The following PTPRD variants were observed in gnomAD, a reference collection of about 807,000 sequenced individuals.
PTPRD encodes the protein protein tyrosine phosphatase receptor type D.
In PTPRD, 34 loss-of-function variants were observed where a neutral mutation model predicts 214.5. That is an observed-to-expected ratio of 0.16 (90% CI 0.12 to 0.21). The LOEUF (loss-of-function observed/expected upper bound fraction) is 0.21. Ranked by LOEUF, PTPRD falls within the 10% of genes least tolerant of loss-of-function variation. PTPRD has a pLI of 1.00. For missense variants in PTPRD, 2,545 were observed against 2,398.7 expected, an observed-to-expected ratio of 1.06 and a Z score of -1.27; for synonymous variants, 1,128 against 845.7, an observed-to-expected ratio of 1.33 and a Z score of -5.79.
At chr9:8,471,245 C>A (rs1472443633) in intron 30 of PTPRD, among the ~76,000 whole-genome samples, 160 bp from the exon 31 acceptor site, 1 of 151,992 alleles carries the variant, frequency 6.6e-6, no homozygotes, top group Non-Finnish European at 1.5e-5. Context: ...CCTGTTTGTT[C>A]AATTTTAAAA....
intron 11 of PTPRD, chr9:8,857,618 G>C (rs559894259): frequency 1.0e-4 from 16 of 153,726 alleles, no homozygotes; most frequent in Non-Finnish European, 2.3e-4. Context: ...GGGCGGACGG[G>C]GTCAGTTCCA....
intron 11 of PTPRD, among the ~76,000 whole-genome samples, chr9:8,772,361 T>A (rs1431494455): frequency 6.8e-6 from 1 of 146,724 alleles, no homozygotes; most frequent in Non-Finnish European, 1.5e-5. Context: ...TGTCACTACT[T>A]ACTTTTTAAA....
intron 14 of PTPRD, among the ~76,000 whole-genome samples, chr9:8,615,427 C>T (rs183846631): frequency 1.3e-5 from 2 of 152,108 alleles, no homozygotes. Context: ...GAAGAAAGAG[C>T]AGTCTAAATT....
chr9:10,334,267 C>A (rs528875484), intron 3 of PTPRD, among the ~76,000 whole-genome samples: 96 of 151,786 alleles, frequency 6.3e-4, no homozygotes, highest in African/African-American at 2.2e-3. Context: ...GGTGACTTTT[C>A]TTTATCACAT....
At position 8,320,156 on chromosome 9, in the gene PTPRD, T is replaced by C. The variant is rs111597815; in HGVS notation, c.5535-190A>G. 4.5e-3 allele frequency among the ~76,000 whole-genome samples: 680 copies of C among 152,168 alleles called. 4 individuals carry two copies. Among genetic ancestry groups the C allele is most frequent in the African/African-American group, 0.015 (637 of 41,524 alleles). ...ACTGAGTTGTAACAGCATGTGATAA[T>C]GAGGATGAAGTAATTAGGAGTAAGT... On this transcript the variant is annotated intron_variant, in intron 44 of 45. Coordinates refer to ENST00000381196, the MANE Select transcript of PTPRD (RefSeq NM_002839.4).
chr9:8,889,721 C>T (rs2098522442), intron 11 of PTPRD, among the ~76,000 whole-genome samples: 1 of 147,356 alleles, frequency 6.8e-6, no homozygotes, highest in Non-Finnish European at 1.5e-5. Context: ...TATTTGGTTT[C>T]CCATTCCTGA....
intron 20 of PTPRD, 95 bp downstream of exon 20, chr9:8,521,182 A>C: frequency 7.4e-7 from 1 of 1,360,440 alleles, no homozygotes; most frequent in South Asian, 1.4e-5. Flanking sequence ...CTGAATAATG[A>C]ATTATTTTAG....
intron 2 of PTPRD, among the ~76,000 whole-genome samples, chr9:10,422,112 A>G (rs2098551221): frequency 6.6e-6 from 1 of 152,006 alleles, no homozygotes; most frequent in Non-Finnish European, 1.5e-5. Flanking sequence ...CCAAAACAAG[A>G]TATAGACCAA....
intron 2 of PTPRD, among the ~76,000 whole-genome samples, chr9:10,583,673 T>C (rs1235412779): frequency 6.6e-6 from 1 of 151,722 alleles, no homozygotes; most frequent in African/African-American, 2.4e-5. Flanking sequence ...AGAGACAGAG[T>C]TTCACCATGT....
intron 11 of PTPRD, among the ~76,000 whole-genome samples, chr9:8,818,025 G>C (rs187423489): frequency 1.3e-5 from 2 of 152,282 alleles, no homozygotes; most frequent in South Asian, 2.1e-4. Flanking sequence ...TCACGGCTTA[G>C]TGGGAATATT....
At chr9:9,295,602 T>C (rs1278926459) in intron 9 of PTPRD, among the ~76,000 whole-genome samples, 1 of 151,784 alleles carries the variant, frequency 6.6e-6, no homozygotes, top group African/African-American at 2.4e-5. Flanking sequence ...AGCATTCTTT[T>C]TCTTGGATCC....
intron 6 of PTPRD, among the ~76,000 whole-genome samples, chr9:9,743,771 A>AC (rs1218520561): frequency 0.13 from 15,096 of 118,620 alleles, 865 homozygotes; most frequent in South Asian, 0.22. Flanking sequence ...CACACACACA[A>AC]TTTATACTGA....
chr9:9,042,960 C>G (rs1379998881), intron 10 of PTPRD, among the ~76,000 whole-genome samples: 1 of 152,164 alleles, frequency 6.6e-6, no homozygotes, highest in Admixed American at 6.6e-5. Context: ...CAGCAGTGTT[C>G]TAACAGGACT....
intron 9 of PTPRD, among the ~76,000 whole-genome samples, chr9:9,212,998 G>C (rs1186087447): frequency 6.6e-6 from 1 of 152,022 alleles, no homozygotes. Flanking sequence ...ACTGTGACCT[G>C]TTTTTTTAGG....
intron 3 of PTPRD, among the ~76,000 whole-genome samples, chr9:10,328,523 C>G (rs943938772): frequency 1.3e-5 from 2 of 151,748 alleles, no homozygotes; most frequent in African/African-American, 4.8e-5. Flanking sequence ...GCAACTTAAA[C>G]AAACACATGG....
intron 7 of PTPRD, among the ~76,000 whole-genome samples, chr9:9,646,396 T>C (rs1283803777): frequency 1.3e-5 from 2 of 151,728 alleles, no homozygotes; most frequent in African/African-American, 4.8e-5. Context: ...TTCTGCTGTT[T>C]TCTAATTCCA....
intron 3 of PTPRD, among the ~76,000 whole-genome samples, chr9:10,296,545 G>A (rs1002839648): frequency 6.6e-6 from 1 of 152,030 alleles, no homozygotes; most frequent in African/African-American, 2.4e-5. Context: ...AGTTGAGACT[G>A]ATCTCCCATA....
intron 3 of PTPRD, among the ~76,000 whole-genome samples, chr9:10,110,037 G>A (rs1490942422): frequency 6.6e-6 from 1 of 151,838 alleles, no homozygotes; most frequent in Non-Finnish European, 1.5e-5. Flanking sequence ...GATGCATTGT[G>A]TGAGGAAAAA....
chr9:9,825,145 A>G (rs1187146713), intron 5 of PTPRD, among the ~76,000 whole-genome samples: 2 of 151,942 alleles, frequency 1.3e-5, no homozygotes, highest in Admixed American at 1.3e-4. Context: ...TTATATAATG[A>G]GACAATTCCC....
Sources: allele counts gnomAD v4.1 joint callset (sites outside exome capture counted in the v4.1 genomes callset), GRCh38; gene constraint gnomAD v4.1.1; transcripts MANE v1.5; gene names NCBI Gene and HGNC (gene_info 2026-07-23, HGNC 2026-07-21).